The following NCOR1 variants were observed in gnomAD, a reference collection of about 807,000 sequenced individuals.
NCOR1 encodes protein phosphatase 1, regulatory subunit 109.
Under a neutral mutation model 288.1 loss-of-function variants are expected in NCOR1, and 63 were observed. The ratio of observed to expected loss-of-function variants is 0.22; its 90% CI spans 0.18 to 0.27. The LOEUF (loss-of-function observed/expected upper bound fraction) is 0.27, where lower values mean the gene tolerates loss of function less well. Ranked by LOEUF, NCOR1 falls within the 10% of genes least tolerant of loss-of-function variation. NCOR1 has a pLI of 1.00. For synonymous variants in NCOR1, 1,007 were observed against 1,065.9 expected (o/e 0.94, Z 1.08); for missense variants, 2,397 against 3,019.2 (o/e 0.79, Z 4.83).
At chr17:16,173,111 G>A (rs2083427295) in intron 3 of NCOR1, among the ~76,000 whole-genome samples, 1 of 152,048 alleles carries the variant, frequency 6.6e-6, no homozygotes, top group Non-Finnish European at 1.5e-5. Context: ...TTGTAGAGAT[G>A]AGGTCTTGCT....
chr17:16,098,749 G>T (rs1157563873), intron 20 of NCOR1: 1 of 237,464 alleles, frequency 4.2e-6, no homozygotes, highest in African/African-American at 2.3e-5. Flanking sequence ...ATGATACAAA[G>T]ATTACCATGG....
chr17:16,139,278 C>A, intron 11 of NCOR1, 92 bp from the exon 12 acceptor site: 1 of 999,966 alleles, frequency 1.0e-6, no homozygotes, highest in South Asian at 1.7e-5. Context: ...CACTAAAAAA[C>A]CATGTATGCA....
At chr17:16,108,268 G>T in intron 19 of NCOR1, 1 of 317,332 alleles carries the variant, frequency 3.2e-6, no homozygotes. Flanking sequence ...AAAAAATCAA[G>T]AAAACATTTA....
intron 11 of NCOR1, among the ~76,000 whole-genome samples, chr17:16,142,205 G>A (rs1041711993): frequency 2.6e-5 from 4 of 152,138 alleles, no homozygotes; most frequent in African/African-American, 9.7e-5. Flanking sequence ...ACTTCTAAAT[G>A]TGCTAAGTAG....
At chr17:16,182,195 G>A (rs1458467984) in intron 3 of NCOR1, among the ~76,000 whole-genome samples, 1 of 152,146 alleles carries the variant, frequency 6.6e-6, no homozygotes, top group East Asian at 1.9e-4. Context: ...ATAGAAGCCT[G>A]CCTGTTTCCA....
intron 45 of NCOR1, among the ~76,000 whole-genome samples, chr17:16,033,192 G>T (rs1263409239): frequency 6.6e-6 from 1 of 151,928 alleles, no homozygotes; most frequent in Non-Finnish European, 1.5e-5. Flanking sequence ...AAAATTAGCC[G>T]GGTGTGGTGG....
intron 15 of NCOR1, 26 bp downstream of exon 15, chr17:16,126,056 A>C: frequency 1.9e-6 from 2 of 1,027,140 alleles, no homozygotes; most frequent in Non-Finnish European, 2.8e-6. Context: ...CATTTAACTT[A>C]TTATATAACT....
At chr17:16,095,810 C>T (rs921736274) in intron 21 of NCOR1, among the ~76,000 whole-genome samples, 2 of 151,754 alleles carry the variant, frequency 1.3e-5, no homozygotes, top group African/African-American at 4.8e-5. Flanking sequence ...CGGCCACCAC[C>T]CCGTCTGGGA....
chr17:16,121,133 T>G lies in NCOR1; in HGVS notation c.1771A>C (p.Asn591His), dbSNP rs1194075356. The G allele has an allele frequency of 6.2e-7, 1 of 1,614,082 alleles. No individual in the cohort carries two copies. The highest frequency in any genetic ancestry group is 1.3e-5 in the African/African-American group (1 of 74,934). ...RKGRITRSMT[N>H]EAAAASAAAA... ...GCAGCACTGGCAGCTGCAGCTTCGT[T>G]TGTCATGGACCTGGTGATCCGGCCC... Residue 591 changes from asparagine (N) to histidine (H), a missense_variant, in exon 16 of 46, where the codon AAC (asparagine) becomes CAC (histidine). Around this residue, in one of 11 missense-constraint regions of NCOR1, gnomAD observed 113 missense variants for 139.5 expected, o/e 0.81. Coordinates refer to ENST00000268712, the MANE Select transcript of NCOR1 (RefSeq NM_006311.4).
Position 16,106,878 on chromosome 17 carries a change from TATA to T in NCOR1, c.2182+1905_2182+1907del, listed in dbSNP as rs1318414415. On this transcript the variant is annotated intron_variant, in intron 19 of 45. Coordinates refer to ENST00000268712, the MANE Select transcript of NCOR1 (RefSeq NM_006311.4). Reference sequence around the variant, plus strand: ...ACATATATATATATATATATATATATATATATTTTTTTTTTTTTTTTTTTTTTT... The same window carrying T: ...ACATATATATATATATATATATATATTATTTTTTTTTTTTTTTTTTTTTTT... Among the ~76,000 whole-genome samples, 311 of 60,994 alleles carry T rather than the reference TATA, an allele frequency of 5.1e-3. 2 individuals carry two copies. Among genetic ancestry groups the T allele is most frequent in the African/African-American group, 6.4e-3 (77 of 11,942 alleles). 40.0% of individuals were successfully genotyped at this position (60,994 alleles called of 152,430 possible).
intron 45 of NCOR1, 82 bp downstream of exon 45, chr17:16,034,683 T>C (rs1973760928): frequency 1.6e-6 from 2 of 1,229,780 alleles, no homozygotes; most frequent in Non-Finnish European, 2.3e-6. Context: ...ATTAGAAGAG[T>C]TGCTGAATTT....
At chr17:16,112,195 G>C (rs2070398435) in intron 18 of NCOR1, among the ~76,000 whole-genome samples, 1 of 152,114 alleles carries the variant, frequency 6.6e-6, no homozygotes, top group Admixed American at 6.6e-5. Flanking sequence ...ATACATATCT[G>C]ACTCATTTTT....
chr17:16,121,380 TCTCA>T, intron 15 of NCOR1, 111 bp from the exon 16 acceptor site: 1 of 829,498 alleles, frequency 1.2e-6, no homozygotes, highest in Non-Finnish European at 1.7e-6. Flanking sequence ...CTACCTAATC[TCTCA>T]CTCAAAAAAA....
chr17:16,032,280 C>T lies in NCOR1; in HGVS notation c.*16G>A, dbSNP rs1277624832. 1.3e-6 allele frequency: 2 copies of T among 1,593,548 alleles called. No individual in the cohort carries two copies. Among genetic ancestry groups the T allele is most frequent in the African/African-American group, 1.4e-5 (1 of 73,772 alleles). ...AGATCCCTCTCCTGCACCCTGTTCC[C>T]CTCACTTTGTGCAGTTCAGTCATCA... On this transcript the variant is annotated 3_prime_UTR_variant, in exon 46 of 46. Transcript: ENST00000268712.
chr17:16,109,610 G>A (rs1017149762), intron 18 of NCOR1, among the ~76,000 whole-genome samples: 1 of 152,056 alleles, frequency 6.6e-6, no homozygotes. Flanking sequence ...AAGGCATTTT[G>A]GTAATTTTCA....
chr17:16,061,455 A>C lies in NCOR1; in HGVS notation c.5827T>G (p.Ser1943Ala). The C allele has an allele frequency of 1.9e-6, 3 of 1,614,212 alleles. No individual in the cohort carries two copies. Among genetic ancestry groups the C allele is most frequent in the Non-Finnish European group, 2.5e-6 (3 of 1,180,050 alleles). ...IDVIITRQIASDKDARERGSQ... is the reference protein window; with the variant it reads ...IDVIITRQIAADKDARERGSQ... ...CCACGTTCCCTCGCATCCTTGTCCGAGGCAATTTGCCGGGTGATGATCACG... is the reference window on the plus strand; with the variant it reads ...CCACGTTCCCTCGCATCCTTGTCCGCGGCAATTTGCCGGGTGATGATCACG... Residue 1943 changes from serine to alanine, a missense_variant, in exon 37 of 46, where the codon TCG (serine) becomes GCG (alanine). Transcript: ENST00000268712.
intron 1 of NCOR1, among the ~76,000 whole-genome samples, chr17:16,203,197 A>C (rs755153129): frequency 4.4e-4 from 67 of 152,308 alleles, no homozygotes; most frequent in Non-Finnish European, 8.7e-4. Context: ...TTCTTTTTAA[A>C]CCTTAAATCA....
chr17:16,164,297 C>T (rs568907563), intron 5 of NCOR1, among the ~76,000 whole-genome samples: 1 of 148,722 alleles, frequency 6.7e-6, no homozygotes, highest in African/African-American at 2.5e-5. Context: ...AGAGTGAATA[C>T]TGGGCTAAAA....
chr17:16,186,818 A>C (rs2086758544), intron 2 of NCOR1, 131 bp from the exon 3 acceptor site: 3 of 743,376 alleles, frequency 4.0e-6, no homozygotes, highest in Admixed American at 5.2e-5. Context: ...TCAATCCTTC[A>C]TTGATCTAAT....
Sources: gnomAD v4.1 joint callset for allele counts (sites outside exome capture counted in the v4.1 genomes callset) on GRCh38, gnomAD v4.1.1 for gene constraint, gnomAD v4.1.1 regional missense constraint, MANE v1.5 for transcripts, NCBI Gene and HGNC (gene_info 2026-07-23, HGNC 2026-07-21) for gene names.